SCMH1: variants seen among roughly 807,000 people sequenced by gnomAD.
SCMH1 encodes polycomb protein SCMH1.
In SCMH1, 37 loss-of-function variants were observed where a neutral mutation model predicts 70.8. That is an observed-to-expected ratio of 0.52 (90% CI 0.40 to 0.69). SCMH1 has a LOEUF of 0.69. Among genes scored for constraint, SCMH1 ranks in the 30% least tolerant of loss-of-function variants. The pLI is 0.00. For synonymous variants in SCMH1, 292 were observed against 307.4 expected (o/e 0.95, Z 0.52); for missense variants, 607 against 827.3 (o/e 0.73, Z 3.27).
chr1:41,145,714 G>T (rs942415698), intron 5 of SCMH1, among the ~76,000 whole-genome samples: 1 of 152,118 alleles, frequency 6.6e-6, no homozygotes, highest in African/African-American at 2.4e-5. Context: ...GTCAAAAACA[G>T]ACTATGTATA....
At chr1:41,047,894 C>G (rs1647050710) in intron 11 of SCMH1, among the ~76,000 whole-genome samples, 1 of 152,194 alleles carries the variant, frequency 6.6e-6, no homozygotes, top group Non-Finnish European at 1.5e-5. Context: ...CTCCCCTTCT[C>G]CTGACCAGTG....
chr1:41,045,002 G>A (rs1433901250), intron 12 of SCMH1, among the ~76,000 whole-genome samples: 1 of 152,102 alleles, frequency 6.6e-6, no homozygotes, highest in African/African-American at 2.4e-5. Context: ...TACATTCATG[G>A]ATGTGCTAAC....
chr1:41,113,945 T>A lies in SCMH1; in HGVS notation c.502-419A>T, dbSNP rs1390428859. On this transcript the variant is annotated intron_variant, in intron 7 of 14. Coordinates refer to ENST00000337495, the Ensembl canonical transcript of SCMH1. The surrounding 1 kb of genome is among the most constrained non-coding windows in gnomAD (Gnocchi z 4.3). Reference sequence around the variant, plus strand: ...TATATATCATTGTACAATTTGCTTTTTGTTTAGCAGTATGTTTTTGAAATC... The same window carrying A: ...TATATATCATTGTACAATTTGCTTTATGTTTAGCAGTATGTTTTTGAAATC... 1.3e-5 allele frequency among the ~76,000 whole-genome samples: 2 copies of A among 152,222 alleles called. No individual in the cohort carries two copies. The highest frequency in any genetic ancestry group is 4.8e-5 in the African/African-American group (2 of 41,460).
At chr1:41,120,438 AG>A (rs1449576781) in intron 6 of SCMH1, among the ~76,000 whole-genome samples, 1 of 152,172 alleles carries the variant, frequency 6.6e-6, no homozygotes, top group Non-Finnish European at 1.5e-5. Flanking sequence ...CAGCTTGTCT[AG>A]GGTCATGCTA....
chr1:41,209,046 A>G (rs1656332889), intron 1 of SCMH1, among the ~76,000 whole-genome samples: 1 of 152,220 alleles, frequency 6.6e-6, no homozygotes, highest in Non-Finnish European at 1.5e-5. Context: ...GATAAAGGGG[A>G]TATCACCACC....
chr1:41,152,762 C>G, intron 4 of SCMH1: 1 of 1,584,584 alleles, frequency 6.3e-7, no homozygotes, highest in Non-Finnish European at 8.6e-7. Context: ...AAATGAGTCA[C>G]TGAATGAAGA....
intron 8 of SCMH1, among the ~76,000 whole-genome samples, chr1:41,077,611 C>G (rs538947365): frequency 6.6e-6 from 1 of 152,232 alleles, no homozygotes; most frequent in East Asian, 1.9e-4. Flanking sequence ...GTAGGACAAT[C>G]TCCTGCAGTG....
intron 5 of SCMH1, among the ~76,000 whole-genome samples, chr1:41,143,627 T>C (rs1644296029): frequency 6.6e-6 from 1 of 152,338 alleles, no homozygotes; most frequent in East Asian, 1.9e-4. Context: ...TCTTGACATA[T>C]GTATATACTC....
intron 8 of SCMH1, among the ~76,000 whole-genome samples, chr1:41,092,625 T>C (rs1400634886): frequency 1.3e-5 from 2 of 152,234 alleles, no homozygotes; most frequent in African/African-American, 4.8e-5. Flanking sequence ...TCTACCCATC[T>C]GACAAAAGGC....
chr1:41,105,115 T>C (rs1667577022), intron 8 of SCMH1, among the ~76,000 whole-genome samples: 2 of 151,064 alleles, frequency 1.3e-5, no homozygotes, highest in Non-Finnish European at 3.0e-5. Context: ...ACCATCATGC[T>C]CAGCTAATTT....
At chr1:41,165,633 T>G (rs1646362127) in intron 2 of SCMH1, among the ~76,000 whole-genome samples, 1 of 152,210 alleles carries the variant, frequency 6.6e-6, no homozygotes, top group South Asian at 2.1e-4. Context: ...ATTTCTCTGA[T>G]GATTAGAGAT....
chr1:41,028,350 A>AGGG, intron 14 of SCMH1, 31 bp from the exon 16 acceptor site: 1 of 1,611,528 alleles, frequency 6.2e-7, no homozygotes, highest in South Asian at 1.1e-5. Flanking sequence ...CAGAAGTGGA[A>AGGG]GGGAGGCACC....
Position 41,066,753 on chromosome 1 carries a change from T to A in SCMH1, c.1105+3842A>T, listed in dbSNP as rs560050258. ...GCACATCAGCGTGCCCAGCTGGCTA[T>A]TTTTTTTGTATTTTTAGTGGAGATA... On this transcript the variant is annotated intron_variant, in intron 10 of 14. Transcript: ENST00000337495. 2.0e-3 allele frequency among the ~76,000 whole-genome samples: 291 copies of A among 146,082 alleles called. 2 individuals are homozygous for A. The highest frequency in any genetic ancestry group is 7.8e-3 in the African/African-American group (281 of 35,970).
rs1371075852 is a variant in SCMH1 at position 41,229,350 on chromosome 1, T to C, written c.-118+12709A>G. On this transcript the variant is annotated intron_variant, in intron 1 of 14. Transcript: ENST00000337495. ...GACTTGGAACCAACCCAAATGTCCA[T>C]CAATGATAGACTAGATTAAGAAAAT... Among the ~76,000 whole-genome samples, 6 of 152,174 alleles carry C rather than the reference T, an allele frequency of 3.9e-5. No individual in the cohort carries two copies. In the East Asian group the frequency reaches 7.7e-4, roughly 19 times the overall value.
exon 15 of SCMH1, chr1:41,028,132 C>T: frequency 1.2e-6 from 2 of 1,605,406 alleles, no homozygotes; most frequent in Non-Finnish European, 8.5e-7. Flanking sequence ...GCTGATGCCC[C>T]TCATTCCTAG....
In SCMH1 at chr1:41,034,082, A is replaced by G. The variant is rs1267140435; in HGVS notation, c.1678+3280T>C. ...AGACCAGGTTGGTGTCACCATCTCCAGTTTGCACATGAGGAACATTCTGCA... is the reference window on the plus strand; with the variant it reads ...AGACCAGGTTGGTGTCACCATCTCCGGTTTGCACATGAGGAACATTCTGCA... On this transcript the variant is annotated intron_variant, in intron 13 of 14. Transcript: ENST00000337495. The G allele has an allele frequency of 6.3e-6, 10 of 1,583,226 alleles. No individual in the cohort carries two copies. In the East Asian group the frequency reaches 1.4e-4, roughly 21 times the overall value.
chr1:41,120,612 G>T (rs1671689766), intron 6 of SCMH1, among the ~76,000 whole-genome samples: 1 of 152,166 alleles, frequency 6.6e-6, no homozygotes, highest in Non-Finnish European at 1.5e-5. Context: ...CAATCCGCTA[G>T]GTGATGTGGG....
At chr1:41,124,201 C>T (rs991653260) in intron 6 of SCMH1, among the ~76,000 whole-genome samples, 24 of 152,234 alleles carry the variant, frequency 1.6e-4, no homozygotes, top group African/African-American at 4.6e-4. Flanking sequence ...TATATTAATG[C>T]TTCCACCCCT....
chr1:41,074,854 A>T (rs796712776), intron 9 of SCMH1, among the ~76,000 whole-genome samples: 5 of 152,192 alleles, frequency 3.3e-5, no homozygotes, highest in African/African-American at 1.2e-4. Flanking sequence ...TGGATGAATG[A>T]CCGCCCCCAA....
Sources: gnomAD v4.1 joint callset for allele counts (sites outside exome capture counted in the v4.1 genomes callset) on GRCh38, gnomAD v4.1.1 for gene constraint, Gnocchi (gnomAD v3.1) non-coding constraint, MANE v1.5 for transcripts, NCBI Gene and HGNC (gene_info 2026-07-23, HGNC 2026-07-21) for gene names.